RASSF10: variants seen among roughly 807,000 people sequenced by gnomAD.
RASSF10 encodes the protein ras association domain-containing protein 10.
A neutral mutation model predicts 41.5 loss-of-function variants in RASSF10; 22 were observed. The ratio of observed to expected loss-of-function variants is 0.53; its 90% confidence interval spans 0.38 to 0.76. The LOEUF (loss-of-function observed/expected upper bound fraction) is 0.76, where lower values mean the gene tolerates loss of function less well. RASSF10 is among the 30% of genes least tolerant of loss of function. The probability of loss-of-function intolerance (pLI) is 0.00; values close to 1 mark genes in which losing one functional copy is unlikely to be tolerated. For synonymous variants in RASSF10, 364 were observed against 319.0 expected (o/e 1.14, Z -1.50); for missense variants, 776 against 711.8 (o/e 1.09, Z -1.03).
At position 13,010,990 on chromosome 11, in the gene RASSF10, C is replaced by T. The variant is rs758488834; in HGVS notation, c.1414C>T (p.Arg472Cys). 3.1e-6 allele frequency: 5 copies of T among 1,613,544 alleles called. No homozygotes were observed. The South Asian group carries it at 5.5e-5, about 18-fold the overall frequency. Reference protein sequence around the residue: ...ACADMWVDQARGLAKSGPGND... With the variant: ...ACADMWVDQACGLAKSGPGND... ...CGCCGACATGTGGGTGGACCAGGCC[C>T]GTGGACTGGCCAAGAGCGGTCCTGG... is the stretch of plus-strand genomic sequence containing the variant. Residue 472 changes from arginine (R) to cysteine (C), a missense_variant, in exon 1 of 1, where the codon CGT becomes TGT. Arg to Cys is a radical substitution (Grantham distance 180). Transcript: ENST00000529419. This position sits in a 1 kb window ranked among gnomAD's most constrained non-coding sequence, Gnocchi z 4.8.
Position 13,010,250 on chromosome 11 carries a change from T to A in RASSF10, c.674T>A (p.Met225Lys), listed in dbSNP as rs757495707. 6.3e-7 allele frequency: 1 copy of A among 1,576,036 alleles called. No homozygotes were observed. The highest frequency in any genetic ancestry group is 8.6e-7 in the Non-Finnish European group (1 of 1,161,600). ...RTHESASVERMETLVHLVLSQ... is the reference protein window; with the variant it reads ...RTHESASVERKETLVHLVLSQ... ...CACGAGAGCGCGTCGGTGGAGCGCA[T>A]GGAGACGCTGGTGCATCTGGTGCTT... is the stretch of plus-strand genomic sequence containing the variant. Residue 225 changes from methionine to lysine, a missense_variant, in exon 1 of 1, where the codon ATG becomes AAG. Transcript: ENST00000529419. This position sits in a 1 kb window ranked among gnomAD's most constrained non-coding sequence, Gnocchi z 4.8.
chr11:13,010,258 C>T lies in RASSF10; in HGVS notation c.682C>T (p.Leu228=). ...CGCGTCGGTGGAGCGCATGGAGACG[C>T]TGGTGCATCTGGTGCTTTCCCAGGA... is the stretch of plus-strand genomic sequence containing the variant. ...ESASVERMET[L]VHLVLSQDHT... Residue 228 remains leucine, a synonymous_variant, in exon 1 of 1, where the codon CTG becomes TTG. Coordinates refer to ENST00000529419, the MANE Select transcript of RASSF10 (RefSeq NM_001080521.3). The surrounding 1 kb of genome is among the most constrained non-coding windows in gnomAD (Gnocchi z 4.8). 3.8e-6 allele frequency: 6 copies of T among 1,567,214 alleles called. No homozygotes were observed. The highest frequency in any genetic ancestry group is 5.2e-6 in the Non-Finnish European group (6 of 1,156,432).
rs1422799228 is a variant in RASSF10 at position 13,009,973 on chromosome 11, G to A, written c.397G>A (p.Ala133Thr). 1.3e-6 allele frequency: 2 copies of A among 1,558,260 alleles called. No homozygotes were observed. Among genetic ancestry groups the A allele is most frequent in the South Asian group, 1.2e-5 (1 of 85,046 alleles). Residue 133 changes from alanine to threonine, a missense_variant, in exon 1 of 1, where the codon GCA becomes ACA. Transcript: ENST00000529419. ...GCGCTTCGTGCTAGTGCGCAGCGAG[G>A]CATCGCTGCCTAACGCCGGCCCCCG... ...NVRFVLVRSE[A>T]SLPNAGPRSA...
chr11:13,009,695 G>A lies in RASSF10; in HGVS notation c.119G>A (p.Cys40Tyr), dbSNP rs754509926. The A allele has an allele frequency of 4.4e-6, 7 of 1,595,106 alleles. No homozygotes were observed. In the East Asian group the frequency reaches 1.6e-4, roughly 36 times the overall value. ...DVVRVLLEDG[C>Y]RRRRRQRRSR... Reference sequence around the variant, plus strand: ...GTGCGAGTGCTTTTGGAGGACGGCTGCCGGCGGCGACGGAGACAGCGGCGG... The same window carrying A: ...GTGCGAGTGCTTTTGGAGGACGGCTACCGGCGGCGACGGAGACAGCGGCGG... Residue 40 changes from cysteine (C) to tyrosine (Y), a missense_variant, in exon 1 of 1, where the codon TGC becomes TAC. Coordinates refer to ENST00000529419, the MANE Select transcript of RASSF10 (RefSeq NM_001080521.3).
rs1338400822 is a variant in RASSF10, at chr11:13,011,012, C to T, written c.1436C>T (p.Pro479Leu). 6.2e-7 allele frequency: 1 copy of T among 1,613,062 alleles called. No homozygotes were observed. The highest frequency in any genetic ancestry group is 8.5e-7 in the Non-Finnish European group (1 of 1,179,798). Reference sequence around the variant, plus strand: ...GCCCGTGGACTGGCCAAGAGCGGTCCTGGCAACGACGAAGACTCGGATACG... The same window carrying T: ...GCCCGTGGACTGGCCAAGAGCGGTCTTGGCAACGACGAAGACTCGGATACG... Reference protein sequence around the residue: ...DQARGLAKSGPGNDEDSDTGL... With the variant: ...DQARGLAKSGLGNDEDSDTGL... The change falls in exon 1 of 1, where the codon CCT becomes CTT. Residue 479 changes from proline (P) to leucine (L), a missense_variant. Transcript: ENST00000529419.
rs1949566119 is a variant in RASSF10 at position 13,010,217 on chromosome 11, C to T, written c.641C>T (p.Pro214Leu). The T allele has an allele frequency of 6.3e-7, 1 of 1,591,876 alleles. No individual in the cohort carries two copies. Among genetic ancestry groups the T allele is most frequent in the Non-Finnish European group, 8.5e-7 (1 of 1,170,664 alleles). ...ACTGCCTCGTCCTGCTCTTCGTCGC[C>T]GCGGACCCACGAGAGCGCGTCGGTG... is the stretch of plus-strand genomic sequence containing the variant. ...SSTASSCSSS[P>L]RTHESASVER... Residue 214 changes from proline (P) to leucine (L), a missense_variant, in exon 1 of 1, where the codon CCG becomes CTG. By Grantham distance (98) the Pro-to-Leu change is moderately conservative. Transcript: ENST00000529419. This position sits in a 1 kb window ranked among gnomAD's most constrained non-coding sequence, Gnocchi z 4.8.
Position 13,010,870 on chromosome 11 carries a change from C to G in RASSF10, c.1294C>G (p.Leu432Val), listed in dbSNP as rs199671454. The G allele has an allele frequency of 3.1e-6, 5 of 1,613,922 alleles. No individual in the cohort carries two copies. The East Asian group carries it at 1.1e-4, about 36-fold the overall frequency. ...CAGCAAGAAGCGCGAGCTACAGGGC[C>G]TTCTGCAAACTTTGCACACTTTGGA... ...WDSKKRELQG[L>V]LQTLHTLELT... The change falls in exon 1 of 1, where the codon CTT (leucine) becomes GTT (valine). Residue 432 changes from leucine (L) to valine (V), a missense_variant. Leu to Val is a conservative substitution (Grantham distance 32, BLOSUM62 1). Coordinates refer to ENST00000529419, the MANE Select transcript of RASSF10 (RefSeq NM_001080521.3). The surrounding 1 kb of genome is among the most constrained non-coding windows in gnomAD (Gnocchi z 4.8).
Sources: allele counts gnomAD v4.1 joint callset, GRCh38; gene constraint gnomAD v4.1.1; non-coding constraint Gnocchi (gnomAD v3.1); transcripts MANE v1.5; gene names NCBI Gene and HGNC (gene_info 2026-07-23, HGNC 2026-07-21).